Variants in MYO9A observed in about 807,000 individuals in gnomAD.
The protein encoded by MYO9A is myosin IXA.
MYO9A carries 103 observed loss-of-function variants against 293.3 expected under a neutral mutation model. The observed-to-expected ratio is 0.35, with a 90% CI of 0.30 to 0.41. The LOEUF is 0.41. Ranked by LOEUF, MYO9A falls within the 10% of genes least tolerant of loss-of-function variation. The probability of loss-of-function intolerance (pLI) is 1.00; values close to 1 mark genes in which losing one functional copy is unlikely to be tolerated. For synonymous variants in MYO9A, 1,001 were observed against 1,035.7 expected (o/e 0.97, Z 0.64); for missense variants, 2,685 against 3,033.0 (o/e 0.89, Z 2.69).
At chr15:72,100,361 G>A (rs1208714433) in intron 1 of MYO9A, among the ~76,000 whole-genome samples, 6 of 152,190 alleles carry the variant, frequency 3.9e-5, no homozygotes, top group South Asian at 2.1e-4. Flanking sequence ...GTGCAGTGGC[G>A]TGGTCTCGGC....
At position 71,830,236 on chromosome 15, in the gene MYO9A, C is replaced by G. The variant is rs1325565283; in HGVS notation, c.6913G>C (p.Asp2305His). Residue 2305 changes from aspartate (D) to histidine (H), a missense_variant, in exon 40 of 42, where the codon GAT becomes CAT. Asp to His is a moderately conservative substitution (Grantham distance 81, BLOSUM62 -1). Around this residue, in one of 10 missense-constraint regions of MYO9A, gnomAD observed 350 missense variants for 328.9 expected, o/e 1.06. Coordinates refer to ENST00000356056, the MANE Select transcript of MYO9A (RefSeq NM_006901.4). ...CTAGTCAAGGTCTCCTCTGAGACAT[C>G]AGACACAGAAGGCAACCGAACTACA... ...PVVVRLPSVS[D>H]VSEETLTSEA... 6.2e-7 allele frequency: 1 copy of G among 1,614,088 alleles called. No individual in the cohort carries two copies. The highest frequency in any genetic ancestry group is 8.5e-7 in the Non-Finnish European group (1 of 1,179,978).
At chr15:71,947,829 G>C (rs1210857603) in intron 15 of MYO9A, among the ~76,000 whole-genome samples, 1 of 152,166 alleles carries the variant, frequency 6.6e-6, no homozygotes, top group Non-Finnish European at 1.5e-5. Flanking sequence ...AAGGCCAAAA[G>C]AATGGGTTCA....
intron 8 of MYO9A, 46 bp downstream of exon 8, chr15:72,007,780 A>G (rs2077058153): frequency 6.3e-7 from 1 of 1,576,934 alleles, no homozygotes; most frequent in Non-Finnish European, 8.6e-7. Context: ...TAAAAAATAA[A>G]AAGTTACAAA....
chr15:72,118,128 T>A lies in MYO9A; in HGVS notation c.-520A>T. 2.6e-6 allele frequency: 1 copy of A among 382,218 alleles called. No individual in the cohort carries two copies. The highest frequency in any genetic ancestry group is 4.6e-6 in the Non-Finnish European group (1 of 215,988). The allele number at this position is 382,218 out of a possible 1,614,324, so 23.7% of individuals were successfully genotyped here. ...GCCCCGCCCCGCGCGACTCCCCGGC[T>A]GCAGGCGAGCAGGCGCGCGCGCACT... On this transcript the variant is annotated 5_prime_UTR_variant, in exon 1 of 42. Coordinates refer to ENST00000356056, the MANE Select transcript of MYO9A (RefSeq NM_006901.4).
intron 15 of MYO9A, among the ~76,000 whole-genome samples, chr15:71,948,576 G>A (rs2146434624): frequency 6.6e-6 from 1 of 152,256 alleles, no homozygotes; most frequent in African/African-American, 2.4e-5. Flanking sequence ...ATGAGTAGCT[G>A]CAACAGAAAC....
Position 71,879,701 on chromosome 15 carries a change from C to T in MYO9A, c.5739+20G>A. ...TCATATGTTGAACTACTAAATATCT[C>T]CTAACATAGTCCAACTCACCGCCAA... On this transcript the variant is annotated intron_variant, in intron 30 of 41. Coordinates refer to ENST00000356056, the MANE Select transcript of MYO9A (RefSeq NM_006901.4). 2 of 1,536,224 alleles carry T rather than the reference C, an allele frequency of 1.3e-6. No individual in the cohort carries two copies. Among genetic ancestry groups the T allele is most frequent in the East Asian group, 2.2e-5 (1 of 44,454 alleles).
chr15:71,878,740 ATTTTTTTTTTTTT>A (rs200866619), intron 30 of MYO9A, among the ~76,000 whole-genome samples: 2 of 108,646 alleles, frequency 1.8e-5, no homozygotes, highest in Admixed American at 1.1e-4. Context: ...GAGATCTGGA[ATTTTTTTTTTTTT>A]TTTTTTTTTT....
intron 39 of MYO9A, among the ~76,000 whole-genome samples, chr15:71,841,596 T>C (rs1338362134): frequency 6.6e-6 from 1 of 152,040 alleles, no homozygotes; most frequent in Non-Finnish European, 1.5e-5. Flanking sequence ...ATTTATAGGC[T>C]ATTGAATTCT....
chr15:72,052,738 C>T (rs375896193), intron 1 of MYO9A, among the ~76,000 whole-genome samples: 2 of 152,188 alleles, frequency 1.3e-5, no homozygotes, highest in African/African-American at 2.4e-5. Context: ...AGGAAGCCAG[C>T]GCCTATGCCA....
At chr15:71,956,973 C>T (rs1198592070) in intron 14 of MYO9A, among the ~76,000 whole-genome samples, 2 of 151,398 alleles carry the variant, frequency 1.3e-5, no homozygotes, top group East Asian at 3.9e-4. Flanking sequence ...TATGGATATA[C>T]CACCTTTTGT....
intron 15 of MYO9A, among the ~76,000 whole-genome samples, chr15:71,940,478 T>C (rs2058745816): frequency 6.6e-6 from 1 of 150,978 alleles, no homozygotes; most frequent in African/African-American, 2.4e-5. Flanking sequence ...GGTGACAGAG[T>C]GAGACCCTGT....
intron 11 of MYO9A, among the ~76,000 whole-genome samples, chr15:71,986,500 CAT>C (rs1209368451): frequency 5.9e-5 from 9 of 152,176 alleles, no homozygotes; most frequent in African/African-American, 1.9e-4. Context: ...GAACCAACTG[CAT>C]ATACAACAGG....
chr15:72,097,122 A>G (rs1230670075), intron 1 of MYO9A, among the ~76,000 whole-genome samples: 2 of 152,204 alleles, frequency 1.3e-5, no homozygotes, highest in African/African-American at 4.8e-5. Flanking sequence ...GTTTGAGAAG[A>G]CTGACTCCAA....
At chr15:71,873,756 G>A (rs1359686800) in intron 32 of MYO9A, among the ~76,000 whole-genome samples, 2 of 152,114 alleles carry the variant, frequency 1.3e-5, no homozygotes, top group South Asian at 4.2e-4. Context: ...TAATAAAATA[G>A]TTGTTGAATA....
chr15:72,074,591 C>T (rs2079289101), intron 1 of MYO9A, among the ~76,000 whole-genome samples: 1 of 152,174 alleles, frequency 6.6e-6, no homozygotes, highest in South Asian at 2.1e-4. Flanking sequence ...TAAAGTTAAT[C>T]AAAACAACCT....
chr15:71,946,448 G>A (rs890099781), intron 15 of MYO9A, among the ~76,000 whole-genome samples: 4 of 152,100 alleles, frequency 2.6e-5, no homozygotes, highest in South Asian at 4.1e-4. Flanking sequence ...TCCATTTCAC[G>A]TAAGTTGAAC....
chr15:71,940,787 G>T (rs539058696), intron 15 of MYO9A, among the ~76,000 whole-genome samples: 2 of 152,158 alleles, frequency 1.3e-5, no homozygotes, highest in African/African-American at 4.8e-5. Flanking sequence ...AAATACAAGG[G>T]ATCCACAAGA....
rs1259943064 is a variant in MYO9A, at chr15:71,825,658, G to A, written c.*922C>T. The A allele has an allele frequency of 6.6e-6, 1 of 152,154 alleles. No individual in the cohort carries two copies. Among genetic ancestry groups the A allele is most frequent in the Non-Finnish European group, 1.5e-5 (1 of 68,020 alleles). The allele number at this position is 152,154 out of a possible 1,614,324, so 9.4% of individuals were successfully genotyped here. On this transcript the variant is annotated 3_prime_UTR_variant, in exon 42 of 42. Coordinates refer to ENST00000356056, the MANE Select transcript of MYO9A (RefSeq NM_006901.4). ...GTGGGAATCCACCAGCAGATGAACA[G>A]GCTCATATGCGGTTTTCGGTTTAAT...
At chr15:72,111,591 A>AT (rs951786967) in intron 1 of MYO9A, among the ~76,000 whole-genome samples, 1 of 151,866 alleles carries the variant, frequency 6.6e-6, no homozygotes, top group African/African-American at 2.4e-5. Context: ...TTACATAAAA[A>AT]TTTTTTTAAC....
Sources: gnomAD v4.1 joint callset for allele counts (sites outside exome capture counted in the v4.1 genomes callset) on GRCh38, gnomAD v4.1.1 for gene constraint, gnomAD v4.1.1 regional missense constraint, MANE v1.5 for transcripts, NCBI Gene and HGNC (gene_info 2026-07-23, HGNC 2026-07-21) for gene names.